The following TBC1D22A variants were observed in gnomAD, a reference collection of about 807,000 sequenced individuals.
TBC1D22A encodes putative GTPase activator.
In TBC1D22A, 38 loss-of-function variants were observed where a neutral mutation model predicts 60.2. That is an observed-to-expected ratio of 0.63 (90% CI 0.49 to 0.83). The LOEUF (loss-of-function observed/expected upper bound fraction) is 0.83, where lower values mean the gene tolerates loss of function less well. Ranked by LOEUF, TBC1D22A falls within the 40% of genes least tolerant of loss-of-function variation. The probability of loss-of-function intolerance (pLI) is 0.00; values close to 1 mark genes in which losing one functional copy is unlikely to be tolerated. For synonymous variants in TBC1D22A, 302 were observed against 281.7 expected, an observed-to-expected ratio of 1.07 and a Z score of -0.72; for missense variants, 628 against 701.0, an observed-to-expected ratio of 0.90 and a Z score of 1.18.
chr22:46,950,281 A>T (rs1322166778), intron 8 of TBC1D22A, among the ~76,000 whole-genome samples: 1 of 152,040 alleles, frequency 6.6e-6, no homozygotes, highest in Non-Finnish European at 1.5e-5. Context: ...ACTGGCAGGG[A>T]GGGTAGAGTT....
At chr22:47,170,402 G>A (rs1006871506) in intron 12 of TBC1D22A, among the ~76,000 whole-genome samples, 2 of 152,176 alleles carry the variant, frequency 1.3e-5, no homozygotes, top group Non-Finnish European at 2.9e-5. Context: ...GCTCAGAATT[G>A]GATTGGCATC....
intron 7 of TBC1D22A, among the ~76,000 whole-genome samples, chr22:46,897,549 G>T (rs573043145): frequency 6.8e-6 from 1 of 147,768 alleles, no homozygotes; most frequent in Non-Finnish European, 1.5e-5. Flanking sequence ...CATCTGCCAC[G>T]CAGAAGAGGG....
chr22:46,943,569 C>G (rs1374107682), intron 8 of TBC1D22A, among the ~76,000 whole-genome samples: 2 of 152,204 alleles, frequency 1.3e-5, no homozygotes, highest in African/African-American at 4.8e-5. Context: ...TGTATTCCGC[C>G]TGGTCCATCT....
rs190113221 is a variant in TBC1D22A, at chr22:46,911,039, G to A, written c.901-1035G>A. 1.8e-3 allele frequency among the ~76,000 whole-genome samples: 275 copies of A among 152,218 alleles called. 6 individuals are homozygous for A. The highest frequency in any genetic ancestry group is 1.4e-3 in the East Asian group (7 of 5,178). ...ACTGGGGGTGGTGGGGGCTCTGTCC[G>A]TGGGAGGTGAGGAGCATGCAGAGGT... On this transcript the variant is annotated intron_variant, in intron 7 of 12. Transcript: ENST00000337137.
chr22:46,923,336 C>T (rs753856248), intron 8 of TBC1D22A, among the ~76,000 whole-genome samples: 3 of 152,222 alleles, frequency 2.0e-5, no homozygotes, highest in Non-Finnish European at 4.4e-5. Context: ...CCCAAGAGAC[C>T]AGTGGCTATC....
chr22:46,961,017 A>T (rs1423863144), intron 8 of TBC1D22A, among the ~76,000 whole-genome samples: 1 of 129,768 alleles, frequency 7.7e-6, no homozygotes, highest in Admixed American at 7.7e-5. Context: ...TCTCAGAGAC[A>T]AGAAAAAAAA....
chr22:46,843,692 T>A (rs1479501742), intron 4 of TBC1D22A, among the ~76,000 whole-genome samples: 1 of 152,012 alleles, frequency 6.6e-6, no homozygotes, highest in East Asian at 1.9e-4. Flanking sequence ...GGGGCACTCT[T>A]AACAGTTTAA....
chr22:47,088,190 T>C (rs1488707185), intron 11 of TBC1D22A, among the ~76,000 whole-genome samples: 2 of 152,222 alleles, frequency 1.3e-5, no homozygotes, highest in Admixed American at 6.5e-5. Context: ...CTGAAAATTA[T>C]TGGACCCAGT....
At chr22:46,825,360 A>G (rs1432705408) in intron 4 of TBC1D22A, among the ~76,000 whole-genome samples, 2 of 152,104 alleles carry the variant, frequency 1.3e-5, no homozygotes, top group Non-Finnish European at 2.9e-5. Context: ...GGGGACCCGC[A>G]ATGGCTCTGC....
At chr22:47,100,714 A>G (rs958302826) in intron 11 of TBC1D22A, among the ~76,000 whole-genome samples, 1 of 152,236 alleles carries the variant, frequency 6.6e-6, no homozygotes, top group East Asian at 1.9e-4. Flanking sequence ...CTCCCCAGCC[A>G]TGTGGAACTG....
intron 11 of TBC1D22A, among the ~76,000 whole-genome samples, chr22:47,050,732 G>A (rs1182579073): frequency 6.6e-6 from 1 of 152,140 alleles, no homozygotes; most frequent in East Asian, 1.9e-4. Context: ...GGCTCGGGAA[G>A]GGTCTTGTGA....
intron 11 of TBC1D22A, among the ~76,000 whole-genome samples, chr22:47,052,167 G>T (rs1855483819): frequency 6.6e-6 from 1 of 152,268 alleles, no homozygotes; most frequent in Admixed American, 6.5e-5. Flanking sequence ...AGCCAGTTCT[G>T]GAGTTAGAGT....
intron 1 of TBC1D22A, among the ~76,000 whole-genome samples, chr22:46,773,385 C>T (rs1298279307): frequency 3.3e-5 from 5 of 152,242 alleles, no homozygotes; most frequent in Non-Finnish European, 7.3e-5. Context: ...CTGCAGCGCT[C>T]AGAACTGAGG....
At chr22:46,794,348 G>A (rs1255925734) in intron 3 of TBC1D22A, among the ~76,000 whole-genome samples, 1 of 152,246 alleles carries the variant, frequency 6.6e-6, no homozygotes, top group Non-Finnish European at 1.5e-5. Flanking sequence ...GGGGCTGGGA[G>A]TCTGACTTTT....
rs112585833 is a variant in TBC1D22A at position 46,867,447 on chromosome 22, A to G, written c.638-11206A>G. ...GATGTCTGACCTCCTTACATATGTA[A>G]AAAATATACCTTCAAGGTCCATCAG... is the stretch of plus-strand genomic sequence containing the variant. On this transcript the variant is annotated intron_variant, in intron 4 of 12. Transcript: ENST00000337137. 2.5e-4 allele frequency among the ~76,000 whole-genome samples: 38 copies of G among 152,322 alleles called. 1 individual carries two copies. The highest frequency in any genetic ancestry group is 8.7e-4 in the African/African-American group (36 of 41,574).
At chr22:47,144,116 C>T (rs887413455) in intron 12 of TBC1D22A, among the ~76,000 whole-genome samples, 19 of 152,172 alleles carry the variant, frequency 1.2e-4, no homozygotes, top group African/African-American at 4.3e-4. Flanking sequence ...CAAACCATTC[C>T]CAAACACCAG....
intron 4 of TBC1D22A, among the ~76,000 whole-genome samples, chr22:46,813,731 G>A (rs2085477586): frequency 6.6e-6 from 1 of 152,318 alleles, no homozygotes; most frequent in Admixed American, 6.5e-5. Flanking sequence ...GATTTGGCTG[G>A]GGGTGGGAGC....
chr22:46,899,461 A>G (rs6009035), intron 7 of TBC1D22A, among the ~76,000 whole-genome samples: 106,195 of 151,032 alleles, frequency 0.7, 37,582 homozygotes, highest in Middle Eastern at 0.86. Flanking sequence ...AAAAAAAAAA[A>G]TTTGTCTTGT....
intron 10 of TBC1D22A, among the ~76,000 whole-genome samples, chr22:47,000,670 C>T (rs1016995817): frequency 1.3e-5 from 2 of 151,986 alleles, no homozygotes; most frequent in African/African-American, 2.4e-5. Flanking sequence ...TATGAGTTCC[C>T]ACAGAATCAG....
Sources: allele counts gnomAD v4.1 joint callset (sites outside exome capture counted in the v4.1 genomes callset), GRCh38; gene constraint gnomAD v4.1.1; transcripts MANE v1.5; gene names NCBI Gene and HGNC (gene_info 2026-07-23, HGNC 2026-07-21).